Variants in C16orf46 observed in about 807,000 individuals in gnomAD.
C16orf46 encodes chromosome 16 open reading frame 46, also known as uncharacterized protein C16orf46.
In C16orf46, 7 loss-of-function variants were observed where a neutral mutation model predicts 5.5. The ratio of observed to expected loss-of-function variants is 1.28; its 90% CI spans 0.73 to 2.40. C16orf46 has a LOEUF of 2.40. Among genes scored for constraint, C16orf46 ranks in the 30% most tolerant of loss-of-function variants. The probability of loss-of-function intolerance (pLI) is 0.00; values close to 1 mark genes in which losing one functional copy is unlikely to be tolerated. For synonymous variants in C16orf46, 200 were observed against 184.1 expected (o/e 1.09, Z -0.70); for missense variants, 614 against 476.0 (o/e 1.29, Z -2.70).
chr16:81,070,140 C>A (rs925735313), intron 1 of C16orf46, among the ~76,000 whole-genome samples: 11 of 151,518 alleles, frequency 7.3e-5, no homozygotes, highest in Non-Finnish European at 1.6e-4. Flanking sequence ...AAAAAACAAA[C>A]CTTTTTCAAA....
intron 1 of C16orf46, among the ~76,000 whole-genome samples, chr16:81,070,450 T>C (rs191653577): frequency 1.6e-4 from 25 of 152,256 alleles, no homozygotes; most frequent in African/African-American, 5.8e-4. Flanking sequence ...AAGAGACACA[T>C]AGGTCAATGC....
chr16:81,070,114 G>C (rs967237281), intron 1 of C16orf46, among the ~76,000 whole-genome samples: 6 of 151,328 alleles, frequency 4.0e-5, no homozygotes, highest in African/African-American at 1.5e-4. Flanking sequence ...GACAGAGTGA[G>C]ACTCCATCTC....
chr16:81,063,762 G>A lies in C16orf46; in HGVS notation c.194C>T (p.Thr65Ile). 1.2e-6 allele frequency: 2 copies of A among 1,613,174 alleles called. No individual in the cohort carries two copies. Among genetic ancestry groups the A allele is most frequent in the Non-Finnish European group, 1.7e-6 (2 of 1,179,314 alleles). The change falls in exon 3 of 4, where the codon ACT becomes ATT. Residue 65 changes from threonine (T) to isoleucine (I), a missense_variant. Coordinates refer to ENST00000299578, the MANE Select transcript of C16orf46 (RefSeq NM_152337.3). ...GATACTCACTGCCTCTTCCCATCCA[G>A]TTCCAATAATAAACTCTTTGGCTTT... ...DEKAKEFIIG[T>I]GWEEAVQGWG...
chr16:81,054,086 T>C (rs775711685), exon 4 of C16orf46: 12 of 1,612,924 alleles, frequency 7.4e-6, no homozygotes, highest in Middle Eastern at 1.7e-4. Context: ...TTATCTTCTT[T>C]TTCCTGTGCT....
At chr16:81,059,956 T>C (rs1000987780), downstream of C16orf46, among the ~76,000 whole-genome samples, 8 of 151,270 alleles carry the variant, frequency 5.3e-5, no homozygotes, top group African/African-American at 1.9e-4. Context: ...GCCCGGCTAA[T>C]TTTTTGTATT....
At chr16:81,056,042 T>C (rs2602404), downstream of C16orf46, 117,477 of 152,202 alleles carry the variant, frequency 0.77, 48,067 homozygotes, top group Non-Finnish European at 0.91. Flanking sequence ...AAAAGATACA[T>C]GGGGAGGAAG....
intron 1 of C16orf46, among the ~76,000 whole-genome samples, chr16:81,074,734 G>C (rs1370178376): frequency 6.6e-6 from 1 of 151,300 alleles, no homozygotes; most frequent in Non-Finnish European, 1.5e-5. Flanking sequence ...ACAACTTCCA[G>C]ATTTTTTTTT....
chr16:81,065,548 G>C (rs1441879587), intron 2 of C16orf46, among the ~76,000 whole-genome samples: 3 of 151,218 alleles, frequency 2.0e-5, no homozygotes. Context: ...GACCCCACAG[G>C]CTGCAGAAAT....
At chr16:81,069,659 A>C (rs951718345) in intron 1 of C16orf46, among the ~76,000 whole-genome samples, 4 of 152,242 alleles carry the variant, frequency 2.6e-5, no homozygotes, top group African/African-American at 7.2e-5. Flanking sequence ...GTATCATTAG[A>C]GGTGAAATAC....
chr16:81,061,858 T>C lies in C16orf46; in HGVS notation c.491A>G (p.Gln164Arg), dbSNP rs1404006699. ...TYFRAEKKSLQIKEFIWCNKD... is the reference protein window; with the variant it reads ...TYFRAEKKSLRIKEFIWCNKD... The stretch of plus-strand genomic sequence containing the variant: ...GTTGCACCAAATAAACTCCTTGATT[T>C]GCAGACTTTTTTTCTCTGCTCGAAA... The change falls in exon 4 of 4, where the codon CAA (glutamine) becomes CGA (arginine). Residue 164 changes from glutamine to arginine, a missense_variant. Coordinates refer to ENST00000299578, the MANE Select transcript of C16orf46 (RefSeq NM_152337.3). The C allele has an allele frequency of 1.2e-6, 2 of 1,614,102 alleles. No individual in the cohort carries two copies. The highest frequency in any genetic ancestry group is 1.3e-5 in the African/African-American group (1 of 74,936).
At chr16:81,072,622 G>A (rs543303318) in intron 1 of C16orf46, among the ~76,000 whole-genome samples, 131 of 152,286 alleles carry the variant, frequency 8.6e-4, no homozygotes, top group Non-Finnish European at 1.6e-3. Context: ...GACCTCAGGT[G>A]ATCCGCCAGT....
downstream of C16orf46, chr16:81,060,931 C>G (rs943383072): frequency 1.6e-6 from 2 of 1,278,366 alleles, no homozygotes; most frequent in African/African-American, 1.5e-5. Flanking sequence ...AGCAGAAGCA[C>G]GTTAACACAT....
At chr16:81,056,695 CAAAAAAAAAAAA>C (rs10539282), downstream of C16orf46, among the ~76,000 whole-genome samples, 1 of 85,604 alleles carries the variant, frequency 1.2e-5, no homozygotes, top group Non-Finnish European at 2.4e-5. Context: ...GACTCCGTCT[CAAAAAAAAAAAA>C]AAAAAAAAAA....
intron 1 of C16orf46, among the ~76,000 whole-genome samples, chr16:81,072,789 A>T (rs1222753279): frequency 6.6e-6 from 1 of 151,148 alleles, no homozygotes; most frequent in Non-Finnish European, 1.5e-5. Flanking sequence ...GCAACCTCTG[A>T]CTCCCAGGTT....
At chr16:81,070,103 C>T (rs770378841) in intron 1 of C16orf46, among the ~76,000 whole-genome samples, 5 of 151,352 alleles carry the variant, frequency 3.3e-5, no homozygotes, top group East Asian at 1.9e-4. Context: ...CCAGTCTAGG[C>T]GACAGAGTGA....
At chr16:81,057,588 C>T (rs1416811851), downstream of C16orf46, among the ~76,000 whole-genome samples, 2 of 148,740 alleles carry the variant, frequency 1.3e-5, no homozygotes, top group African/African-American at 5.0e-5. Context: ...TAAGTGCCCA[C>T]AGTCTTAGGT....
At chr16:81,062,757 A>G (rs893203134) in intron 3 of C16orf46, among the ~76,000 whole-genome samples, 19 of 152,140 alleles carry the variant, frequency 1.2e-4, no homozygotes, top group Admixed American at 3.3e-4. Context: ...ACCATTAAAA[A>G]AGGGTTGCCA....
chr16:81,063,306 C>T (rs947861159), intron 3 of C16orf46, among the ~76,000 whole-genome samples: 1 of 151,326 alleles, frequency 6.6e-6, no homozygotes, highest in African/African-American at 2.4e-5. Flanking sequence ...GGAAAGAAGC[C>T]TCAGTTCTCT....
At chr16:81,067,968 G>A (rs780015367) in intron 1 of C16orf46, among the ~76,000 whole-genome samples, 2 of 152,136 alleles carry the variant, frequency 1.3e-5, no homozygotes, top group African/African-American at 2.4e-5. Flanking sequence ...TGATTTAGAG[G>A]AACTCCAGAA....
Sources: allele counts gnomAD v4.1 joint callset (sites outside exome capture counted in the v4.1 genomes callset), GRCh38; gene constraint gnomAD v4.1.1; transcripts MANE v1.5; gene names NCBI Gene and HGNC (gene_info 2026-07-23, HGNC 2026-07-21).